CPB1: variants seen among roughly 807,000 people sequenced by gnomAD.
The protein encoded by CPB1 is carboxypeptidase B1.
CPB1 carries 53 observed loss-of-function variants against 51.4 expected under a neutral mutation model. The observed-to-expected ratio is 1.03, with a 90% CI of 0.83 to 1.30. The LOEUF (loss-of-function observed/expected upper bound fraction) is 1.30, where lower values mean the gene tolerates loss of function less well. Among genes scored for constraint, CPB1 ranks in the 50% most tolerant of loss-of-function variants. The pLI, the probability that CPB1 is intolerant of heterozygous loss-of-function variation, is 0.00. For missense variants in CPB1, 494 were observed against 516.2 expected (o/e 0.96, Z 0.42); for synonymous variants, 189 against 186.9 (o/e 1.01, Z -0.09).
rs962860793 is a variant in CPB1 at position 148,844,849 on chromosome 3, TA to T, written c.778+89del. Reference sequence around the variant, plus strand: ...TATGAAAACACAACAGTATCTAAAATAAAAAAAGCAAGTTTTATATTTTAAA... The same window carrying T: ...TATGAAAACACAACAGTATCTAAAATAAAAAAGCAAGTTTTATATTTTAAA... On this transcript the variant is annotated intron_variant, in intron 8 of 10. Transcript: ENST00000282957. 4.6e-5 allele frequency: 57 copies of T among 1,226,786 alleles called. 1 individual carries two copies. The highest frequency in any genetic ancestry group is 3.9e-4 in the Middle Eastern group (2 of 5,092). The allele number at this position is 1,226,786 out of a possible 1,614,324, so 76.0% of individuals were successfully genotyped here.
chr3:148,857,062 G>GTTTT (rs35574359), intron 9 of CPB1: 2 of 48,166 alleles, frequency 4.2e-5, no homozygotes, highest in African/African-American at 9.8e-5. Context: ...ATTGCCAAGT[G>GTTTT]TTTTTTTTTT....
At chr3:148,834,141 T>G (rs1024580766) in intron 2 of CPB1, among the ~76,000 whole-genome samples, 1 of 152,198 alleles carries the variant, frequency 6.6e-6, no homozygotes, top group African/African-American at 2.4e-5. Flanking sequence ...TCATCATTCA[T>G]CTGGCACATA....
intron 9 of CPB1, among the ~76,000 whole-genome samples, chr3:148,849,529 C>A (rs2108018956): frequency 6.6e-6 from 1 of 152,298 alleles, no homozygotes; most frequent in Non-Finnish European, 1.5e-5. Flanking sequence ...AAGAAGCTCC[C>A]AATCTTTGGT....
chr3:148,845,469 C>T lies in CPB1; in HGVS notation c.824C>T (p.Pro275Leu), dbSNP rs754082554. ...CCCTGTGATGAAACTTACTGTGGACCTGCCGCAGAGTCTGAAAAGGAGACC... is the reference window on the plus strand; with the variant it reads ...CCCTGTGATGAAACTTACTGTGGACTTGCCGCAGAGTCTGAAAAGGAGACC... ...RNPCDETYCG[P>L]AAESEKETKA... is the part of the protein sequence containing the mutation. The change falls in exon 9 of 11, where the codon CCT becomes CTT. Residue 275 changes from proline to leucine, a missense_variant. By Grantham distance (98) the Pro-to-Leu change is moderately conservative (BLOSUM62 -3). Transcript: ENST00000282957. 1.9e-6 allele frequency: 3 copies of T among 1,613,776 alleles called. No individual in the cohort carries two copies. Among genetic ancestry groups the T allele is most frequent in the Admixed American group, 3.3e-5 (2 of 59,980 alleles).
At chr3:148,855,838 T>G (rs1391842590) in intron 9 of CPB1, 3 of 152,188 alleles carry the variant, frequency 2.0e-5, no homozygotes, top group African/African-American at 7.2e-5. Flanking sequence ...AACTGGAGAT[T>G]TCCTTTGATA....
intron 9 of CPB1, chr3:148,854,669 G>C (rs972509258): frequency 1.3e-5 from 2 of 152,184 alleles, no homozygotes; most frequent in Non-Finnish European, 2.9e-5. Flanking sequence ...CCCTAAGCCA[G>C]AGTGTTAGAC....
At chr3:148,846,691 A>G (rs890748981) in intron 9 of CPB1, among the ~76,000 whole-genome samples, 1 of 147,394 alleles carries the variant, frequency 6.8e-6, no homozygotes, top group South Asian at 2.1e-4. Flanking sequence ...AAAAAACAAT[A>G]CAATTTTTCA....
intron 2 of CPB1, among the ~76,000 whole-genome samples, chr3:148,828,833 G>A (rs897118103): frequency 6.6e-6 from 1 of 152,008 alleles, no homozygotes; most frequent in African/African-American, 2.4e-5. Context: ...TAGTCATTTT[G>A]TAGCTTTTAA....
At chr3:148,848,507 A>C (rs1713321555) in intron 9 of CPB1, among the ~76,000 whole-genome samples, 1 of 152,116 alleles carries the variant, frequency 6.6e-6, no homozygotes, top group Non-Finnish European at 1.5e-5. Flanking sequence ...ATACCTATAA[A>C]ATTATTATTT....
At chr3:148,841,796 T>C (rs763555741) in intron 5 of CPB1, 27 bp from the exon 6 acceptor site, 3 of 1,590,250 alleles carry the variant, frequency 1.9e-6, no homozygotes, top group African/African-American at 2.7e-5. Context: ...TGAATCATGG[T>C]TTCCCTTTTC....
chr3:148,840,749 A>C lies in CPB1; in HGVS notation c.336A>C (p.Thr112=). 1 of 1,614,206 alleles carries C rather than the reference A, an allele frequency of 6.2e-7. No homozygotes were observed. Among genetic ancestry groups the C allele is most frequent in the East Asian group, 2.2e-5 (1 of 44,882 alleles). Reference sequence around the variant, plus strand: ...AGTTTGATAGCCGGGTTCGTGCAACAGGACACAGTTATGAGAAGTACAACA... The same window carrying C: ...AGTTTGATAGCCGGGTTCGTGCAACCGGACACAGTTATGAGAAGTACAACA... The part of the protein sequence containing the change: ...EAQFDSRVRA[T]GHSYEKYNKW... Residue 112 remains threonine, a synonymous_variant, in exon 4 of 11, where the codon ACA becomes ACC. Transcript: ENST00000282957.
chr3:148,849,543 C>G (rs1193499826), intron 9 of CPB1, among the ~76,000 whole-genome samples: 2 of 152,218 alleles, frequency 1.3e-5, no homozygotes, highest in East Asian at 3.9e-4. Flanking sequence ...CTTTGGTGCA[C>G]CTCCCCTGCA....
intron 3 of CPB1, among the ~76,000 whole-genome samples, chr3:148,839,755 A>C (rs1015315853): frequency 6.6e-6 from 1 of 152,188 alleles, no homozygotes; most frequent in Non-Finnish European, 1.5e-5. Flanking sequence ...TGTGTCTGAA[A>C]TTCTCTGTAT....
intron 4 of CPB1, 44 bp downstream of exon 4, chr3:148,840,829 G>A (rs111732594): frequency 1.9e-6 from 3 of 1,613,674 alleles, no homozygotes; most frequent in Non-Finnish European, 2.5e-6. Flanking sequence ...TTTGGGAATT[G>A]AACCAAGAAT....
Position 148,841,887 on chromosome 3 carries a change from G to A in CPB1, c.539G>A (p.Trp180Ter). The A allele has an allele frequency of 6.2e-7, 1 of 1,613,994 alleles. No individual in the cohort carries two copies. Among genetic ancestry groups the A allele is most frequent in the South Asian group, 1.1e-5 (1 of 91,064 alleles). The change falls in exon 6 of 11, where the codon TGG becomes TAG. Residue 180 changes from tryptophan to a stop codon, truncating the protein, a stop_gained. Transcript: ENST00000282957. LOFTEE classifies it high-confidence loss of function. The stretch of plus-strand genomic sequence containing the variant: ...GACTGTGGTTTCCATGCCAGAGAGT[G>A]GATTTCTCCTGCATTCTGCCAGTGG... ...FMDCGFHARE[W>*]ISPAFCQWFV... is the part of the protein sequence containing the mutation.
Position 148,857,540 on chromosome 3 carries a change from C to T in CPB1, c.1065C>T (p.Ile355=). The change falls in exon 10 of 11, where the codon ATC becomes ATT. Residue 355 remains isoleucine, a splice_region_variant and synonymous_variant. Transcript: ENST00000282957. ...CATATGGCCCGGGAGCTACAACAAT[C>T]TGTGAGTCTTGGCTTCAGAACTGTG... The part of the protein sequence containing the change: ...KYTYGPGATT[I]YPAAGGSDDW... The T allele has an allele frequency of 1.2e-6, 2 of 1,612,518 alleles. No homozygotes were observed. The highest frequency in any genetic ancestry group is 1.7e-6 in the Non-Finnish European group (2 of 1,178,562).
intron 2 of CPB1, among the ~76,000 whole-genome samples, chr3:148,831,241 T>C (rs1346230644): frequency 1.3e-5 from 2 of 152,214 alleles, no homozygotes; most frequent in Non-Finnish European, 2.9e-5. Flanking sequence ...TCTGTGTTTC[T>C]CAAATTTAAG....
At position 148,834,615 on chromosome 3, in the gene CPB1, CA is replaced by C. The variant is rs778246957; in HGVS notation, c.267del (p.Gln89HisfsTer5). 6.2e-7 allele frequency: 1 copy of C among 1,607,420 alleles called. No individual in the cohort carries two copies. The highest frequency in any genetic ancestry group is 1.3e-5 in the African/African-American group (1 of 74,920). On this transcript the variant is annotated frameshift_variant, in exon 3 of 11. Coordinates refer to ENST00000282957, the MANE Select transcript of CPB1 (RefSeq NM_001871.3). LOFTEE classifies it high-confidence loss of function. Reference sequence around the variant, plus strand: ...GAATGTTCTAAAGCAGAATGAACTACAATACAAGTAAGTTTATGTTTTATAA... The same window carrying C: ...GAATGTTCTAAAGCAGAATGAACTACATACAAGTAAGTTTATGTTTTATAA... ...VENVLKQNEL[Q>X]YKVLISNLRN...
At chr3:148,859,038 G>A (rs914476264) in intron 10 of CPB1, among the ~76,000 whole-genome samples, 1 of 150,788 alleles carries the variant, frequency 6.6e-6, no homozygotes, top group Admixed American at 6.6e-5. Context: ...GTTTTCTTAA[G>A]GGGTTTCTAG....
Sources: allele counts gnomAD v4.1 joint callset (sites outside exome capture counted in the v4.1 genomes callset), GRCh38; gene constraint gnomAD v4.1.1; transcripts MANE v1.5; gene names NCBI Gene and HGNC (gene_info 2026-07-23, HGNC 2026-07-21).